The following TMEM132C variants were observed in gnomAD, a reference collection of about 807,000 sequenced individuals.
The protein encoded by TMEM132C is protein phosphatase 1, regulatory subunit 152.
A neutral mutation model predicts 61.4 loss-of-function variants in TMEM132C; 29 were observed. The observed-to-expected ratio is 0.47, with a 90% CI of 0.35 to 0.64. TMEM132C has a LOEUF of 0.64. Among genes scored for constraint, TMEM132C ranks in the 30% least tolerant of loss-of-function variants. The pLI, the probability that TMEM132C is intolerant of heterozygous loss-of-function variation, is 0.00. For synonymous variants in TMEM132C, 656 were observed against 633.1 expected (o/e 1.04, Z -0.54); for missense variants, 1,408 against 1,476.9 (o/e 0.95, Z 0.76).
intron 2 of TMEM132C, among the ~76,000 whole-genome samples, chr12:128,473,796 A>G (rs1438641089): frequency 6.6e-6 from 1 of 151,918 alleles, no homozygotes; most frequent in South Asian, 2.1e-4. Flanking sequence ...TGTGTCTCCA[A>G]TAAGGACAGT....
chr12:128,467,367 G>C lies in TMEM132C; in HGVS notation c.974+51747G>C, dbSNP rs191828862. On this transcript the variant is annotated intron_variant, in intron 2 of 8. Transcript: ENST00000435159. ...TACAAATGCCAAATTGTCATGTCTTGTAGAGGGTGAGCATTATGGAGTTTT... is the reference window on the plus strand; with the variant it reads ...TACAAATGCCAAATTGTCATGTCTTCTAGAGGGTGAGCATTATGGAGTTTT... Among the ~76,000 whole-genome samples the C allele has an allele frequency of 1.1e-3, 167 of 152,302 alleles. 2 individuals carry two copies. Among genetic ancestry groups the C allele is most frequent in the Non-Finnish European group, 1.8e-4 (12 of 68,034 alleles).
chr12:128,600,551 A>G (rs1226813890), intron 3 of TMEM132C, among the ~76,000 whole-genome samples: 1 of 152,166 alleles, frequency 6.6e-6, no homozygotes, highest in African/African-American at 2.4e-5. Flanking sequence ...AGTGGAGTGG[A>G]CCCATGCCTG....
At chr12:128,587,698 C>G (rs913063065) in intron 3 of TMEM132C, among the ~76,000 whole-genome samples, 1 of 152,166 alleles carries the variant, frequency 6.6e-6, no homozygotes. Flanking sequence ...AGGACTTTCT[C>G]CTGCAGGAAG....
intron 4 of TMEM132C, among the ~76,000 whole-genome samples, chr12:128,656,263 C>G (rs1461349759): frequency 6.6e-6 from 1 of 152,136 alleles, no homozygotes; most frequent in Non-Finnish European, 1.5e-5. Context: ...GTTGGCCAGG[C>G]TGGTCTCGAA....
intron 1 of TMEM132C, among the ~76,000 whole-genome samples, chr12:128,396,149 A>G (rs562990475): frequency 5.9e-5 from 9 of 151,876 alleles, no homozygotes; most frequent in African/African-American, 2.2e-4. Context: ...ACTACAAAGA[A>G]AACATAATTA....
At chr12:128,688,841 T>A (rs1269675381) in intron 5 of TMEM132C, among the ~76,000 whole-genome samples, 1 of 152,242 alleles carries the variant, frequency 6.6e-6, no homozygotes, top group Non-Finnish European at 1.5e-5. Flanking sequence ...ATTTCTTTGC[T>A]GGAGTTCAGT....
At chr12:128,396,833 A>G (rs1874974762) in intron 1 of TMEM132C, among the ~76,000 whole-genome samples, 1 of 152,122 alleles carries the variant, frequency 6.6e-6, no homozygotes, top group Non-Finnish European at 1.5e-5. Context: ...TATCCTCTGT[A>G]TCTCTTCTCT....
At chr12:128,456,650 C>T (rs996821309) in intron 2 of TMEM132C, among the ~76,000 whole-genome samples, 6 of 151,902 alleles carry the variant, frequency 3.9e-5, no homozygotes, top group Non-Finnish European at 8.8e-5. Flanking sequence ...TCAAGTGATT[C>T]GCCCACATTG....
intron 1 of TMEM132C, among the ~76,000 whole-genome samples, chr12:128,314,500 C>T (rs1016611748): frequency 4.6e-5 from 7 of 152,172 alleles, no homozygotes; most frequent in African/African-American, 1.7e-4. Flanking sequence ...GACAGTGTCC[C>T]TCCAAATTCA....
At chr12:128,516,809 G>T (rs1382752734) in intron 2 of TMEM132C, among the ~76,000 whole-genome samples, 1 of 152,020 alleles carries the variant, frequency 6.6e-6, no homozygotes, top group Admixed American at 6.6e-5. Context: ...AGCTATTTGG[G>T]AGGCTGAGGC....
intron 2 of TMEM132C, among the ~76,000 whole-genome samples, chr12:128,515,745 G>C (rs546510159): frequency 6.6e-6 from 1 of 152,196 alleles, no homozygotes; most frequent in African/African-American, 2.4e-5. Context: ...TGAGGCAGGA[G>C]AATGGCGTGA....
At chr12:128,351,135 C>T (rs114133339) in intron 1 of TMEM132C, among the ~76,000 whole-genome samples, 2 of 152,230 alleles carry the variant, frequency 1.3e-5, no homozygotes, top group Admixed American at 6.5e-5. Flanking sequence ...GACCCTAAGC[C>T]GTTTTCATAC....
rs138740767 is a variant in TMEM132C at position 128,276,055 on chromosome 12, A to G, written c.85+8568A>G. On this transcript the variant is annotated intron_variant, in intron 1 of 8. Transcript: ENST00000435159. ...TAAGGATACCGGTCATTGGATTTATAACCCACTGTAATCCAGGATGATCTC... is the reference window on the plus strand; with the variant it reads ...TAAGGATACCGGTCATTGGATTTATGACCCACTGTAATCCAGGATGATCTC... 9.8e-5 allele frequency among the ~76,000 whole-genome samples: 15 copies of G among 152,290 alleles called. No individual in the cohort carries two copies. The East Asian group carries it at 2.7e-3, about 27-fold the overall frequency.
intron 4 of TMEM132C, among the ~76,000 whole-genome samples, chr12:128,668,309 A>G (rs1487355080): frequency 2.0e-5 from 3 of 151,634 alleles, no homozygotes; most frequent in Admixed American, 2.0e-4. Flanking sequence ...TGAAGGGGGA[A>G]AAAAGATGTC....
At chr12:128,603,744 C>T (rs1356811926) in intron 3 of TMEM132C, among the ~76,000 whole-genome samples, 1 of 152,140 alleles carries the variant, frequency 6.6e-6, no homozygotes, top group African/African-American at 2.4e-5. Context: ...GGTAAAGAAG[C>T]TCAGTTAGTC....
At chr12:128,409,614 T>C (rs1362702639) in intron 1 of TMEM132C, among the ~76,000 whole-genome samples, 1 of 152,150 alleles carries the variant, frequency 6.6e-6, no homozygotes, top group Non-Finnish European at 1.5e-5. Flanking sequence ...TAAAAAACAC[T>C]GTGGGCCAAG....
At chr12:128,687,439 G>A (rs1049798632) in intron 5 of TMEM132C, among the ~76,000 whole-genome samples, 1 of 152,182 alleles carries the variant, frequency 6.6e-6, no homozygotes, top group African/African-American at 2.4e-5. Flanking sequence ...GCCCAGAGAT[G>A]CTCAAATGCC....
In TMEM132C at chr12:128,614,007, C is replaced by T. The variant is rs142726770; in HGVS notation, c.1122-2145C>T. Among the ~76,000 whole-genome samples the T allele has an allele frequency of 1.9e-4, 29 of 152,302 alleles. No individual in the cohort carries two copies. In the East Asian group the frequency reaches 4.4e-3, roughly 23 times the overall value. ...AGCCTGAGGTCTTGCTGACCACTGA[C>T]CCACCACTTAGCGCCATCCTTAGCA... is the stretch of plus-strand genomic sequence containing the variant. On this transcript the variant is annotated intron_variant, in intron 3 of 8. Transcript: ENST00000435159.
chr12:128,417,608 C>G (rs1868825721), intron 2 of TMEM132C, among the ~76,000 whole-genome samples: 1 of 152,158 alleles, frequency 6.6e-6, no homozygotes, highest in Non-Finnish European at 1.5e-5. Flanking sequence ...CAGTTTCCTC[C>G]TCTCTAAAGC....
Sources: gnomAD v4.1 joint callset for allele counts (sites outside exome capture counted in the v4.1 genomes callset) on GRCh38, gnomAD v4.1.1 for gene constraint, MANE v1.5 for transcripts, NCBI Gene and HGNC (gene_info 2026-07-23, HGNC 2026-07-21) for gene names.